Variants in DLGAP2 observed in about 807,000 individuals in gnomAD.
DLGAP2 encodes the protein DLG associated protein 2, also known as disks large-associated protein 2.
Under a neutral mutation model 100.3 loss-of-function variants are expected in DLGAP2, and 26 were observed. The observed-to-expected ratio is 0.26, with a 90% CI of 0.19 to 0.36. The LOEUF (loss-of-function observed/expected upper bound fraction) is 0.36, where lower values mean the gene tolerates loss of function less well. DLGAP2 is among the 10% of genes least tolerant of loss of function. The pLI is 1.00. For synonymous variants in DLGAP2, 886 were observed against 630.1 expected, an observed-to-expected ratio of 1.41 and a Z score of -6.08; for missense variants, 1,858 against 1,453.2, an observed-to-expected ratio of 1.28 and a Z score of -4.53.
At chr8:927,109 C>A in intron 2 of DLGAP2, 1 of 985,390 alleles carries the variant, frequency 1.0e-6, no homozygotes, top group Non-Finnish European at 1.2e-6. Context: ...TGGTAAAAGA[C>A]TTCGGAGCAA....
At chr8:1,627,474 G>C (rs1056454391) in intron 7 of DLGAP2, among the ~76,000 whole-genome samples, 3 of 152,242 alleles carry the variant, frequency 2.0e-5, no homozygotes, top group African/African-American at 7.2e-5. Flanking sequence ...CCCACCTGTG[G>C]TGGACGGGCC....
chr8:1,363,878 T>C (rs1428286241), intron 3 of DLGAP2, among the ~76,000 whole-genome samples: 2 of 152,082 alleles, frequency 1.3e-5, no homozygotes, highest in African/African-American at 4.8e-5. Context: ...AGGCCTCTTC[T>C]GACCACCTGC....
chr8:1,367,227 G>T (rs1309264482), intron 3 of DLGAP2, among the ~76,000 whole-genome samples: 1 of 152,228 alleles, frequency 6.6e-6, no homozygotes, highest in Non-Finnish European at 1.5e-5. Flanking sequence ...TTTGACCATA[G>T]CCTGGTGACT....
At chr8:1,414,197 G>T (rs973336098) in intron 3 of DLGAP2, among the ~76,000 whole-genome samples, 3 of 152,168 alleles carry the variant, frequency 2.0e-5, no homozygotes, top group Non-Finnish European at 4.4e-5. Context: ...TCGTAAAGAT[G>T]GAATCTGAGA....
intron 1 of DLGAP2, among the ~76,000 whole-genome samples, chr8:750,734 C>T (rs907276932): frequency 2.0e-5 from 3 of 152,246 alleles, no homozygotes; most frequent in Non-Finnish European, 2.9e-5. Flanking sequence ...CCCCACGGCT[C>T]GCCGTCTGCA....
chr8:1,491,213 G>A (rs1584950968), intron 3 of DLGAP2, among the ~76,000 whole-genome samples: 1 of 151,740 alleles, frequency 6.6e-6, no homozygotes. Flanking sequence ...TGACAAAAAT[G>A]CTCGCTGTTT....
chr8:811,886 C>T (rs888346418), intron 1 of DLGAP2, among the ~76,000 whole-genome samples: 3 of 152,260 alleles, frequency 2.0e-5, no homozygotes, highest in African/African-American at 7.2e-5. Context: ...CTGCACTTTG[C>T]CTTCCTGGGA....
intron 3 of DLGAP2, among the ~76,000 whole-genome samples, chr8:1,499,926 C>T (rs1468185531): frequency 7.6e-6 from 1 of 131,102 alleles, no homozygotes; most frequent in Non-Finnish European, 1.5e-5. Flanking sequence ...CAGCATCACA[C>T]TCTGAAATAA....
intron 4 of DLGAP2, among the ~76,000 whole-genome samples, chr8:1,539,122 G>C (rs1174333753): frequency 6.6e-6 from 1 of 152,120 alleles, no homozygotes; most frequent in African/African-American, 2.4e-5. Flanking sequence ...TCAACCTCAA[G>C]TGATCCACCT....
chr8:1,549,709 G>T (rs1239619931), intron 5 of DLGAP2, 26 bp downstream of exon 5: 5 of 1,511,978 alleles, frequency 3.3e-6, no homozygotes, highest in Non-Finnish European at 3.5e-6. Context: ...GCCCTGTGGA[G>T]GCCGTCTCGG....
chr8:1,042,119 CA>C (rs1281939958), intron 2 of DLGAP2, among the ~76,000 whole-genome samples: 3 of 152,186 alleles, frequency 2.0e-5, no homozygotes, highest in African/African-American at 7.2e-5. Context: ...GGAGAGCCCC[CA>C]GCCCCAGCAC....
At chr8:1,623,567 C>G (rs535453287) in intron 6 of DLGAP2, among the ~76,000 whole-genome samples, 1 of 147,536 alleles carries the variant, frequency 6.8e-6, no homozygotes, top group Non-Finnish European at 1.5e-5. Context: ...GGCACCAGTG[C>G]GTGATGACCT....
chr8:863,775 G>A (rs1445543121), intron 1 of DLGAP2, among the ~76,000 whole-genome samples: 1 of 152,178 alleles, frequency 6.6e-6, no homozygotes, highest in East Asian at 1.9e-4. Context: ...CGCTGTTGAT[G>A]GAAATGTAAA....
chr8:1,199,320 C>G lies in DLGAP2; in HGVS notation c.74-59531C>G, dbSNP rs543313019. Among the ~76,000 whole-genome samples, 4 of 152,324 alleles carry G rather than the reference C, an allele frequency of 2.6e-5. No individual in the cohort carries two copies. The East Asian group carries it at 5.8e-4, about 22-fold the overall frequency. On this transcript the variant is annotated intron_variant, in intron 2 of 14. Coordinates refer to ENST00000637795, the MANE Select transcript of DLGAP2 (RefSeq NM_001346810.2). Reference sequence around the variant, plus strand: ...ATATTTGAGCAGGTTGAGCTTCTCCCTGGTGATCTCTTTTGGCTATTAATC... The same window carrying G: ...ATATTTGAGCAGGTTGAGCTTCTCCGTGGTGATCTCTTTTGGCTATTAATC...
At chr8:1,055,657 G>A (rs796867117) in intron 2 of DLGAP2, among the ~76,000 whole-genome samples, 9 of 152,286 alleles carry the variant, frequency 5.9e-5, no homozygotes, top group African/African-American at 1.2e-4. Flanking sequence ...CGGATAGGCC[G>A]TTGGTCACCG....
At chr8:1,337,450 A>ATAACGGTGATGATGT (rs1563091537) in intron 3 of DLGAP2, among the ~76,000 whole-genome samples, 5 of 102,476 alleles carry the variant, frequency 4.9e-5, no homozygotes, top group African/African-American at 8.5e-5. Flanking sequence ...GATGATGGTG[A>ATAACGGTGATGATGT]TGATGGTGAG....
chr8:808,738 C>T (rs980041204), intron 1 of DLGAP2, among the ~76,000 whole-genome samples: 2 of 152,212 alleles, frequency 1.3e-5, no homozygotes, highest in Admixed American at 1.3e-4. Context: ...CCAGCCAACC[C>T]ACCTCACGCT....
intron 2 of DLGAP2, among the ~76,000 whole-genome samples, chr8:996,708 C>T (rs1800794256): frequency 6.6e-6 from 1 of 152,182 alleles, no homozygotes; most frequent in South Asian, 2.1e-4. Context: ...AGTTAATCGT[C>T]ATCATTCACT....
chr8:1,071,871 C>T (rs979232322), intron 2 of DLGAP2, among the ~76,000 whole-genome samples: 1 of 152,182 alleles, frequency 6.6e-6, no homozygotes, highest in African/African-American at 2.4e-5. Context: ...CTGACCTGGC[C>T]CTGCAAGCTG....
Sources: allele counts gnomAD v4.1 joint callset (sites outside exome capture counted in the v4.1 genomes callset), GRCh38; gene constraint gnomAD v4.1.1; transcripts MANE v1.5; gene names NCBI Gene and HGNC (gene_info 2026-07-23, HGNC 2026-07-21).